COP1: variants seen among roughly 807,000 people sequenced by gnomAD.
COP1 encodes the protein COP1 E3 ubiquitin ligase.
In COP1, 24 loss-of-function variants were observed where a neutral mutation model predicts 101.3. The observed-to-expected ratio is 0.24, with a 90% CI of 0.17 to 0.33. The LOEUF is 0.33. Ranked by LOEUF, COP1 falls within the 10% of genes least tolerant of loss-of-function variation. The pLI is 1.00. For missense variants in COP1, 663 were observed against 906.2 expected (o/e 0.73, Z 3.45); for synonymous variants, 347 against 341.9 (o/e 1.01, Z -0.17).
intron 3 of COP1, among the ~76,000 whole-genome samples, chr1:176,165,680 C>T (rs1695025096): frequency 6.6e-6 from 1 of 151,434 alleles, no homozygotes; most frequent in Non-Finnish European, 1.5e-5. Flanking sequence ...AGCTAGACTC[C>T]ATCTCAAAAT....
intron 18 of COP1, among the ~76,000 whole-genome samples, chr1:175,955,256 G>A (rs996087787): frequency 6.6e-5 from 10 of 151,830 alleles, no homozygotes; most frequent in Non-Finnish European, 1.3e-4. Flanking sequence ...ACAAAAAAAA[G>A]AAAAAGTAAT....
chr1:175,995,553 G>T (rs1428268431), intron 15 of COP1, among the ~76,000 whole-genome samples: 1 of 152,094 alleles, frequency 6.6e-6, no homozygotes, highest in Non-Finnish European at 1.5e-5. Context: ...AATAAAAAAT[G>T]ATAAACGGGA....
At chr1:176,002,638 A>C (rs1418194361) in intron 15 of COP1, among the ~76,000 whole-genome samples, 6 of 148,812 alleles carry the variant, frequency 4.0e-5, no homozygotes, top group Non-Finnish European at 5.9e-5. Context: ...TAGTTTACTG[A>C]GAATGATGAT....
At chr1:176,083,141 T>C (rs540327826) in intron 10 of COP1, among the ~76,000 whole-genome samples, 4 of 152,306 alleles carry the variant, frequency 2.6e-5, no homozygotes, top group Non-Finnish European at 2.9e-5. Context: ...CTGGATATAA[T>C]AGTTAATGAT....
intron 8 of COP1, among the ~76,000 whole-genome samples, chr1:176,131,046 G>A (rs935771411): frequency 5.3e-5 from 8 of 151,782 alleles, no homozygotes; most frequent in African/African-American, 1.9e-4. Flanking sequence ...TCCAGGAGAA[G>A]TTTCTAGGCA....
chr1:176,030,620 A>G (rs1054500359), intron 14 of COP1, among the ~76,000 whole-genome samples: 2 of 152,212 alleles, frequency 1.3e-5, no homozygotes, highest in African/African-American at 2.4e-5. Flanking sequence ...CACCATGATT[A>G]TAATTTTCAA....
chr1:176,119,738 T>A (rs145125202), intron 8 of COP1, among the ~76,000 whole-genome samples: 122 of 152,218 alleles, frequency 8.0e-4, no homozygotes, highest in African/African-American at 2.9e-3. Flanking sequence ...ACTACTTAAC[T>A]CCTGACTCAT....
intron 9 of COP1, among the ~76,000 whole-genome samples, chr1:176,115,234 A>G (rs1392988020): frequency 1.1e-4 from 16 of 151,192 alleles, no homozygotes; most frequent in African/African-American, 2.4e-5. Flanking sequence ...AGATCACCTG[A>G]GATCAGGAGT....
chr1:176,049,960 AAAACAAACTTT>A (rs1225395714), intron 11 of COP1, among the ~76,000 whole-genome samples: 1 of 152,252 alleles, frequency 6.6e-6, no homozygotes, highest in Non-Finnish European at 1.5e-5. Context: ...ATTAAATTCA[AAAACAAACTTT>A]AAGTCTTACT....
At chr1:176,091,347 AAAAAAAAAAAAC>A (rs751133370) in intron 9 of COP1, among the ~76,000 whole-genome samples, 53 of 15,698 alleles carry the variant, frequency 3.4e-3, no homozygotes, top group Non-Finnish European at 5.9e-3. Flanking sequence ...CTCCGTCTCA[AAAAAAAAAAAAC>A]AAAAAAAAAA....
chr1:176,168,743 T>C lies in COP1; in HGVS notation c.566-4852A>G, dbSNP rs116643409. On this transcript the variant is annotated intron_variant, in intron 3 of 19. Transcript: ENST00000367669. ...GAGGCAGAGAGGAGCAGACAGAGTA[T>C]GCACACTGGAGGGAAGTAAGGGAGA... 1,048 of 331,964 alleles carry C rather than the reference T, an allele frequency of 3.2e-3. 10 individuals carry two copies. Among genetic ancestry groups the C allele is most frequent in the African/African-American group, 0.022 (976 of 45,010 alleles). 20.6% of individuals were successfully genotyped at this position (331,964 alleles called of 1,614,324 possible).
At chr1:176,153,231 T>A (rs897728372) in intron 5 of COP1, among the ~76,000 whole-genome samples, 7 of 152,152 alleles carry the variant, frequency 4.6e-5, no homozygotes, top group Non-Finnish European at 7.3e-5. Flanking sequence ...GCTTGTCACT[T>A]ATCTTTTACC....
At chr1:176,042,128 G>A (rs979861083) in intron 14 of COP1, among the ~76,000 whole-genome samples, 23 of 151,050 alleles carry the variant, frequency 1.5e-4, no homozygotes, top group Admixed American at 1.4e-3. Flanking sequence ...AAAATTAGCC[G>A]AGTGTGGCGG....
At chr1:176,118,491 G>A (rs1476934395) in intron 8 of COP1, among the ~76,000 whole-genome samples, 5 of 152,234 alleles carry the variant, frequency 3.3e-5, no homozygotes, top group Non-Finnish European at 7.4e-5. Flanking sequence ...GGCCAGGCAT[G>A]GTGGCTCATG....
intron 1 of COP1, among the ~76,000 whole-genome samples, chr1:176,199,501 T>C (rs1423135078): frequency 6.6e-6 from 1 of 152,066 alleles, no homozygotes; most frequent in Admixed American, 6.5e-5. Flanking sequence ...TTCTAAATAA[T>C]AGCCAAAAAC....
chr1:176,129,367 T>C (rs972426831), intron 8 of COP1, among the ~76,000 whole-genome samples: 1 of 151,896 alleles, frequency 6.6e-6, no homozygotes, highest in South Asian at 2.1e-4. Flanking sequence ...ATTTTATTCA[T>C]AAATCTCCTC....
intron 5 of COP1, among the ~76,000 whole-genome samples, chr1:176,151,353 AAAAGAAAGAAAG>A (rs200187869): frequency 0.08 from 9,248 of 115,918 alleles, 433 homozygotes; most frequent in South Asian, 0.092. Context: ...GAAAGAAAGA[AAAAGAAAGAAAG>A]AAAGAAAGAA....
intron 8 of COP1, among the ~76,000 whole-genome samples, chr1:176,126,303 AAG>A (rs1183685777): frequency 2.0e-5 from 3 of 152,156 alleles, no homozygotes; most frequent in Non-Finnish European, 4.4e-5. Flanking sequence ...TTCCAGATCT[AAG>A]AGGAAAGGTT....
chr1:176,104,215 T>TA (rs929459862), intron 9 of COP1, among the ~76,000 whole-genome samples: 34 of 152,034 alleles, frequency 2.2e-4, no homozygotes, highest in Non-Finnish European at 4.4e-4. Context: ...AATTTAAATG[T>TA]AAAAAAATAA....
Sources: gnomAD v4.1 joint callset for allele counts (sites outside exome capture counted in the v4.1 genomes callset) on GRCh38, gnomAD v4.1.1 for gene constraint, MANE v1.5 for transcripts, NCBI Gene and HGNC (gene_info 2026-07-23, HGNC 2026-07-21) for gene names.